SPOCK3: variants seen among roughly 807,000 people sequenced by gnomAD.
The protein encoded by SPOCK3 is SPARC (osteonectin), cwcv and kazal like domains proteoglycan 3, also known as testican-3.
SPOCK3 carries 30 observed loss-of-function variants against 56.6 expected under a neutral mutation model. That is an observed-to-expected ratio of 0.53 (90% CI 0.40 to 0.72). The LOEUF (loss-of-function observed/expected upper bound fraction) is 0.72, where lower values mean the gene tolerates loss of function less well. Among genes scored for constraint, SPOCK3 ranks in the 30% least tolerant of loss-of-function variants. The pLI is 0.00. For synonymous variants in SPOCK3, 196 were observed against 183.3 expected (o/e 1.07, Z -0.56); for missense variants, 527 against 530.0 (o/e 0.99, Z 0.06).
chr4:167,045,863 A>T (rs1321752900), intron 3 of SPOCK3, among the ~76,000 whole-genome samples: 1 of 152,138 alleles, frequency 6.6e-6, no homozygotes, highest in Non-Finnish European at 1.5e-5. Context: ...AGTAGAAAAA[A>T]AATCCATTTT....
chr4:166,958,261 T>C (rs567993950), intron 4 of SPOCK3, among the ~76,000 whole-genome samples: 1 of 152,320 alleles, frequency 6.6e-6, no homozygotes, highest in South Asian at 2.1e-4. Context: ...CTCCGTGTGA[T>C]GAGCCTGCTC....
At chr4:167,040,797 T>C (rs1444073765) in intron 3 of SPOCK3, among the ~76,000 whole-genome samples, 1 of 152,208 alleles carries the variant, frequency 6.6e-6, no homozygotes, top group Non-Finnish European at 1.5e-5. Context: ...TGTAGAAGAT[T>C]AGAAAGATGA....
At chr4:166,934,208 C>T (rs547505396) in intron 4 of SPOCK3, among the ~76,000 whole-genome samples, 5 of 151,824 alleles carry the variant, frequency 3.3e-5, no homozygotes, top group South Asian at 2.1e-4. Context: ...ATAAAAGTCA[C>T]GGCCGGGCGC....
At chr4:167,177,540 G>A (rs758601135) in intron 2 of SPOCK3, among the ~76,000 whole-genome samples, 1 of 152,044 alleles carries the variant, frequency 6.6e-6, no homozygotes, top group Non-Finnish European at 1.5e-5. Context: ...TGGGATTCAG[G>A]CTTAGGCAAG....
At chr4:166,805,631 C>T (rs1743081549) in intron 6 of SPOCK3, among the ~76,000 whole-genome samples, 1 of 152,070 alleles carries the variant, frequency 6.6e-6, no homozygotes, top group African/African-American at 2.4e-5. Context: ...CTGCCAAGAA[C>T]TGCTTTTACT....
At chr4:167,019,186 C>G (rs1241236731) in intron 3 of SPOCK3, among the ~76,000 whole-genome samples, 1 of 152,054 alleles carries the variant, frequency 6.6e-6, no homozygotes, top group Admixed American at 6.6e-5. Flanking sequence ...TTTGCACTAT[C>G]CAACTAAGTG....
intron 3 of SPOCK3, among the ~76,000 whole-genome samples, chr4:167,042,169 A>G (rs943819769): frequency 1.3e-5 from 2 of 152,130 alleles, no homozygotes; most frequent in Non-Finnish European, 2.9e-5. Context: ...GGATCTCCAG[A>G]AGACACAAAA....
At chr4:167,205,515 ATATTATATATAT>A (rs1734166050) in intron 2 of SPOCK3, among the ~76,000 whole-genome samples, 1 of 58,640 alleles carries the variant, frequency 1.7e-5, no homozygotes, top group African/African-American at 7.7e-5. Flanking sequence ...TATATAATAT[ATATTATATATAT>A]TATTATATAA....
chr4:166,988,903 C>A (rs559275170), intron 4 of SPOCK3, among the ~76,000 whole-genome samples: 1 of 152,166 alleles, frequency 6.6e-6, no homozygotes, highest in East Asian at 1.9e-4. Context: ...AATCCTCTTC[C>A]TTATATTTTC....
At chr4:167,133,011 C>T (rs920533461) in intron 2 of SPOCK3, among the ~76,000 whole-genome samples, 1 of 152,072 alleles carries the variant, frequency 6.6e-6, no homozygotes, top group Admixed American at 6.6e-5. Flanking sequence ...ACTGCAGAGA[C>T]TAAATATTAT....
At chr4:167,157,164 TAGA>T (rs1764883692) in intron 2 of SPOCK3, among the ~76,000 whole-genome samples, 1 of 152,050 alleles carries the variant, frequency 6.6e-6, no homozygotes, top group African/African-American at 2.4e-5. Context: ...AAAAAAATAG[TAGA>T]AGAAGAAAGC....
At chr4:166,748,095 A>T (rs1735887238) in intron 8 of SPOCK3, among the ~76,000 whole-genome samples, 1 of 151,612 alleles carries the variant, frequency 6.6e-6, no homozygotes, top group Admixed American at 6.6e-5. Flanking sequence ...CATCCCCTTC[A>T]AGCTACCAAT....
chr4:167,096,768 C>T (rs1027996819), intron 2 of SPOCK3, among the ~76,000 whole-genome samples: 1 of 151,792 alleles, frequency 6.6e-6, no homozygotes, highest in Non-Finnish European at 1.5e-5. Context: ...ATGTAAATTA[C>T]ATCAAGTTGA....
chr4:167,144,886 T>C (rs1287949481), intron 2 of SPOCK3, among the ~76,000 whole-genome samples: 2 of 151,892 alleles, frequency 1.3e-5, no homozygotes, highest in Non-Finnish European at 2.9e-5. Flanking sequence ...GCAAAGACCC[T>C]AATGAGACAG....
intron 2 of SPOCK3, among the ~76,000 whole-genome samples, chr4:167,120,778 T>A (rs1056457234): frequency 7.3e-6 from 1 of 137,176 alleles, no homozygotes; most frequent in African/African-American, 2.7e-5. Context: ...TTTTTAAACA[T>A]CAAAAATGGT....
chr4:166,889,383 A>G (rs1734532183), intron 5 of SPOCK3, 139 bp from the exon 6 acceptor site: 1 of 598,546 alleles, frequency 1.7e-6, no homozygotes, highest in African/African-American at 1.9e-5. Context: ...CTCCAATACT[A>G]AAGTGCAATA....
At chr4:167,133,420 G>C (rs1047667620) in intron 2 of SPOCK3, among the ~76,000 whole-genome samples, 1 of 152,128 alleles carries the variant, frequency 6.6e-6, no homozygotes, top group African/African-American at 2.4e-5. Context: ...TTCCGGAACT[G>C]TAACATAATA....
chr4:166,740,106 T>C (rs1023864371), intron 9 of SPOCK3, among the ~76,000 whole-genome samples: 3 of 152,150 alleles, frequency 2.0e-5, no homozygotes, highest in African/African-American at 7.2e-5. Flanking sequence ...GGTTGATGTC[T>C]GAAGTTTTAG....
chr4:166,976,644 A>G (rs1745977187), intron 4 of SPOCK3, among the ~76,000 whole-genome samples: 3 of 152,084 alleles, frequency 2.0e-5, no homozygotes, highest in African/African-American at 7.2e-5. Flanking sequence ...TCATCCTACC[A>G]ATACTCTCTG....
Sources: allele counts gnomAD v4.1 joint callset (sites outside exome capture counted in the v4.1 genomes callset), GRCh38; gene constraint gnomAD v4.1.1; transcripts MANE v1.5; gene names NCBI Gene and HGNC (gene_info 2026-07-23, HGNC 2026-07-21).